Variants in ZNF112 observed in about 807,000 individuals in gnomAD.
The protein encoded by ZNF112 is zinc finger protein 112 (Y14).
A neutral mutation model predicts 77.7 loss-of-function variants in ZNF112; 37 were observed. The ratio of observed to expected loss-of-function variants is 0.48; its 90% CI spans 0.37 to 0.63. ZNF112 has a LOEUF of 0.63. Ranked by LOEUF, ZNF112 falls within the 20% of genes least tolerant of loss-of-function variation. The pLI, the probability that ZNF112 is intolerant of heterozygous loss-of-function variation, is 0.00. For synonymous variants in ZNF112, 333 were observed against 363.6 expected (o/e 0.92, Z 0.96); for missense variants, 950 against 1,077.4 (o/e 0.88, Z 1.66).
intron 1 of ZNF112, among the ~76,000 whole-genome samples, chr19:44,366,798 T>G: frequency 6.8e-6 from 1 of 146,678 alleles, no homozygotes; most frequent in East Asian, 2.0e-4. Context: ...CTCGGGAAAT[T>G]AAAAAAAAAA....
At chr19:44,360,571 C>A (rs1970846087), upstream of ZNF112, among the ~76,000 whole-genome samples, 1 of 152,198 alleles carries the variant, frequency 6.6e-6, no homozygotes, top group South Asian at 2.1e-4. Context: ...ACCACATTTG[C>A]TCCTTTATCC....
chr19:44,358,764 T>C (rs1174833759), upstream of ZNF112, among the ~76,000 whole-genome samples: 1 of 152,194 alleles, frequency 6.6e-6, no homozygotes, highest in Non-Finnish European at 1.5e-5. Flanking sequence ...AAATGATTCA[T>C]GTGTGCATTT....
At chr19:44,330,732 T>A (rs1970255164) in intron 3 of ZNF112, among the ~76,000 whole-genome samples, 1 of 152,176 alleles carries the variant, frequency 6.6e-6, no homozygotes, top group South Asian at 2.1e-4. Context: ...TGAGATCCTG[T>A]CTCAAACGAA....
rs150419766 is a variant in ZNF112 at position 44,339,859 on chromosome 19, C to T, written c.124+557G>A. The stretch of plus-strand genomic sequence containing the variant: ...ATACACTGAAGTATTTAGAGAAAAA[C>T]GGCCATGGTATATTAACTTACCCTC... On this transcript the variant is annotated intron_variant, in intron 2 of 3. Coordinates refer to ENST00000354340, the MANE Select transcript of ZNF112 (RefSeq NM_013380.4). 5.2e-4 allele frequency among the ~76,000 whole-genome samples: 79 copies of T among 152,062 alleles called. 1 individual carries two copies. Among genetic ancestry groups the T allele is most frequent in the African/African-American group, 1.8e-3 (73 of 41,486 alleles).
At chr19:44,347,053 T>C (rs1383236873) in intron 1 of ZNF112, among the ~76,000 whole-genome samples, 1 of 152,186 alleles carries the variant, frequency 6.6e-6, no homozygotes, top group African/African-American at 2.4e-5. Flanking sequence ...ACTGTGGGTT[T>C]CTCTATTTTT....
intron 1 of ZNF112, among the ~76,000 whole-genome samples, chr19:44,351,461 C>A (rs1363637639): frequency 6.6e-6 from 1 of 151,992 alleles, no homozygotes; most frequent in African/African-American, 2.4e-5. Flanking sequence ...TAAAAAATTT[C>A]TTTTCAAAGA....
rs768074329 is a variant in ZNF112 at position 44,329,084 on chromosome 19, TA to T, written c.1072del (p.Tyr358MetfsTer9). The T allele has an allele frequency of 6.2e-7, 1 of 1,613,918 alleles. No homozygotes were observed. The highest frequency in any genetic ancestry group is 8.5e-7 in the Non-Finnish European group (1 of 1,179,968). On this transcript the variant is annotated frameshift_variant, in exon 4 of 4. Coordinates refer to ENST00000354340, the MANE Select transcript of ZNF112 (RefSeq NM_013380.4). LOFTEE classifies it high-confidence loss of function. ...TGEMSYRHNI[Y>X]EKAFSHSLDL... ...TAAGCTATGACTGAAGGCTTTCTCA[TA>T]AATGTTGTGCCTATAGGACATCTCA...
intron 1 of ZNF112, among the ~76,000 whole-genome samples, chr19:44,353,966 T>C (rs1178523544): frequency 6.6e-6 from 1 of 152,100 alleles, no homozygotes; most frequent in Non-Finnish European, 1.5e-5. Context: ...GAGGAAAAAG[T>C]CTATCAACCA....
At chr19:44,337,829 A>G (rs1970410412) in intron 2 of ZNF112, among the ~76,000 whole-genome samples, 1 of 85,856 alleles carries the variant, frequency 1.2e-5, no homozygotes, top group Non-Finnish European at 2.1e-5. Flanking sequence ...GTGTATGTAT[A>G]TACATACACA....
chr19:44,350,414 G>A (rs932171212), intron 1 of ZNF112, among the ~76,000 whole-genome samples: 5 of 151,918 alleles, frequency 3.3e-5, no homozygotes, highest in African/African-American at 1.2e-4. Flanking sequence ...TCTCAGGGCT[G>A]AGACTGAAAT....
chr19:44,343,057 A>G (rs1970520916), intron 1 of ZNF112, among the ~76,000 whole-genome samples: 1 of 152,156 alleles, frequency 6.6e-6, no homozygotes, highest in African/African-American at 2.4e-5. Context: ...TTATTTATGA[A>G]ATAAATAATA....
chr19:44,336,327 C>G (rs374796161), intron 3 of ZNF112, among the ~76,000 whole-genome samples: 2 of 152,104 alleles, frequency 1.3e-5, no homozygotes, highest in African/African-American at 4.8e-5. Flanking sequence ...GAGAGAAAAG[C>G]AAGTCAAGGA....
At chr19:44,354,451 C>A (rs1970749661) in intron 1 of ZNF112, among the ~76,000 whole-genome samples, 1 of 152,144 alleles carries the variant, frequency 6.6e-6, no homozygotes, top group African/African-American at 2.4e-5. Context: ...CCATTTCTAA[C>A]AATTTGTTTC....
In ZNF112 at chr19:44,328,963, G is replaced by C; in HGVS notation, c.1194C>G (p.Val398=). The C allele has an allele frequency of 1.2e-6, 2 of 1,613,874 alleles. No homozygotes were observed. Among genetic ancestry groups the C allele is most frequent in the East Asian group, 4.5e-5 (2 of 44,854 alleles). Reference sequence around the variant, plus strand: ...TCTCTTCAGTGTGGATTTTTTGATGGACTTGAAGACATGAACTCTGATTAA... The same window carrying C: ...TCTCTTCAGTGTGGATTTTTTGATGCACTTGAAGACATGAACTCTGATTAA... ...NVFNQSSCLQ[V]HQKIHTEEKL... is the part of the protein sequence containing the mutation. The change falls in exon 4 of 4, where the codon GTC becomes GTG. Residue 398 remains valine (V), a synonymous_variant. Coordinates refer to ENST00000354340, the MANE Select transcript of ZNF112 (RefSeq NM_013380.4).
intron 1 of ZNF112, among the ~76,000 whole-genome samples, chr19:44,342,115 A>G (rs1483198474): frequency 6.6e-6 from 1 of 152,228 alleles, no homozygotes; most frequent in East Asian, 1.9e-4. Flanking sequence ...GTATGACTAA[A>G]AACTTTAAAC....
chr19:44,358,625 T>C (rs527917987), upstream of ZNF112, among the ~76,000 whole-genome samples: 1 of 152,238 alleles, frequency 6.6e-6, no homozygotes, highest in East Asian at 1.9e-4. Context: ...AAACTAAAAT[T>C]CGCATCTTTT....
At chr19:44,339,375 C>G (rs2123172203) in intron 2 of ZNF112, among the ~76,000 whole-genome samples, 1 of 152,266 alleles carries the variant, frequency 6.6e-6, no homozygotes, top group South Asian at 2.1e-4. Flanking sequence ...GGCTTTGAGC[C>G]ATGTGGTATT....
chr19:44,331,923 T>G (rs989848153), intron 3 of ZNF112, among the ~76,000 whole-genome samples: 1 of 152,162 alleles, frequency 6.6e-6, no homozygotes, highest in South Asian at 2.1e-4. Flanking sequence ...GTCACAAGAA[T>G]CTACTGTGGA....
At position 44,329,911 on chromosome 19, in the gene ZNF112, C is replaced by T. The variant is rs1237715933; in HGVS notation, c.246G>A (p.Glu82=). The change falls in exon 4 of 4, where the codon GAG becomes GAA. Residue 82 remains glutamate, a synonymous_variant. Transcript: ENST00000354340. ...AGCTTACTGTTACTTCCTGAATACT[C>T]TCCATCTTTTGTTGATTCTTCCTTC... ...CSGRKNQQKM[E]SIQEVTVSYF... The T allele has an allele frequency of 6.2e-7, 1 of 1,611,882 alleles. No homozygotes were observed. Among genetic ancestry groups the T allele is most frequent in the South Asian group, 1.1e-5 (1 of 90,954 alleles).
Sources: allele counts gnomAD v4.1 joint callset (sites outside exome capture counted in the v4.1 genomes callset), GRCh38; gene constraint gnomAD v4.1.1; transcripts MANE v1.5; gene names NCBI Gene and HGNC (gene_info 2026-07-23, HGNC 2026-07-21).